The following MYRIP variants were observed in gnomAD, a reference collection of about 807,000 sequenced individuals.
MYRIP encodes the protein rab effector MyRIP.
A neutral mutation model predicts 98.0 loss-of-function variants in MYRIP; 49 were observed. The ratio of observed to expected loss-of-function variants is 0.50; its 90% CI spans 0.40 to 0.63. The LOEUF is 0.63. Among genes scored for constraint, MYRIP ranks in the 30% least tolerant of loss-of-function variants. The pLI is 0.00. For missense variants in MYRIP, 1,004 were observed against 1,058.2 expected, an observed-to-expected ratio of 0.95 and a Z score of 0.71; for synonymous variants, 404 against 409.5, an observed-to-expected ratio of 0.99 and a Z score of 0.16.
chr3:40,093,989 TA>T (rs1948776924), intron 3 of MYRIP, among the ~76,000 whole-genome samples: 1 of 152,166 alleles, frequency 6.6e-6, no homozygotes, highest in African/African-American at 2.4e-5. Flanking sequence ...ACTTTCCTGT[TA>T]CCTCCTACCA....
chr3:39,952,830 G>T (rs1308420282), intron 2 of MYRIP, among the ~76,000 whole-genome samples: 1 of 152,106 alleles, frequency 6.6e-6, no homozygotes, highest in African/African-American at 2.4e-5. Flanking sequence ...AGTAGGAATA[G>T]CTAGGGACTT....
At chr3:39,985,756 T>G (rs1356843102) in intron 2 of MYRIP, among the ~76,000 whole-genome samples, 1 of 151,824 alleles carries the variant, frequency 6.6e-6, no homozygotes, top group East Asian at 1.9e-4. Context: ...GCTAGCCATA[T>G]GTAGAAAGCT....
intron 2 of MYRIP, among the ~76,000 whole-genome samples, chr3:40,003,186 T>C (rs1026593949): frequency 1.3e-5 from 2 of 152,078 alleles, no homozygotes; most frequent in Admixed American, 6.6e-5. Flanking sequence ...TAAATACATA[T>C]ATAGATATCT....
Position 40,143,468 on chromosome 3 carries a change from C to T in MYRIP, c.333-7580C>T, listed in dbSNP as rs141951639. Among the ~76,000 whole-genome samples, 275 of 152,176 alleles carry T rather than the reference C, an allele frequency of 1.8e-3. 1 individual carries two copies. Among genetic ancestry groups the T allele is most frequent in the African/African-American group, 6.4e-3 (267 of 41,508 alleles). ...GAACCACATGCATCCTGTGAGTTTC[C>T]CCTGAGTCATAAGTTTAAATAAACG... is the stretch of plus-strand genomic sequence containing the variant. On this transcript the variant is annotated intron_variant, in intron 3 of 16. Transcript: ENST00000302541.
At chr3:40,076,337 C>G (rs1387814417) in intron 3 of MYRIP, among the ~76,000 whole-genome samples, 9 of 152,192 alleles carry the variant, frequency 5.9e-5, no homozygotes, top group Admixed American at 5.9e-4. Context: ...TACAGTCACT[C>G]AAGGCCCCAC....
intron 2 of MYRIP, among the ~76,000 whole-genome samples, chr3:40,039,264 C>T (rs796552308): frequency 1.3e-5 from 2 of 152,018 alleles, no homozygotes; most frequent in South Asian, 4.1e-4. Context: ...ACAATCTATT[C>T]AATAAAAGGT....
At chr3:40,030,914 G>A (rs1947246513) in intron 2 of MYRIP, among the ~76,000 whole-genome samples, 1 of 152,024 alleles carries the variant, frequency 6.6e-6, no homozygotes, top group African/African-American at 2.4e-5. Context: ...ACAACTTTTT[G>A]AATATACTAA....
At chr3:40,000,656 A>G (rs1946498556) in intron 2 of MYRIP, among the ~76,000 whole-genome samples, 1 of 152,048 alleles carries the variant, frequency 6.6e-6, no homozygotes, top group Non-Finnish European at 1.5e-5. Flanking sequence ...TTTCGTCCTT[A>G]ATTTTTTGTG....
chr3:40,210,189 A>C, intron 11 of MYRIP, 96 bp downstream of exon 11: 1 of 1,442,114 alleles, frequency 6.9e-7, no homozygotes, highest in East Asian at 2.4e-5. Flanking sequence ...CTGGGTCCCC[A>C]AAGAGCTCTC....
intron 4 of MYRIP, among the ~76,000 whole-genome samples, chr3:40,152,551 G>A (rs1950143786): frequency 6.6e-6 from 1 of 152,154 alleles, no homozygotes; most frequent in East Asian, 1.9e-4. Context: ...AATTTACAAG[G>A]ATCACTTTCA....
intron 2 of MYRIP, among the ~76,000 whole-genome samples, chr3:39,973,519 C>T (rs2125747970): frequency 6.6e-6 from 1 of 152,216 alleles, no homozygotes; most frequent in South Asian, 2.1e-4. Context: ...CAAAGATATC[C>T]AGGAACTGAA....
intron 2 of MYRIP, among the ~76,000 whole-genome samples, chr3:40,019,487 C>T (rs1050945196): frequency 2.0e-5 from 3 of 152,228 alleles, no homozygotes; most frequent in African/African-American, 7.2e-5. Context: ...TTGCCCACCT[C>T]TGCTGCCTCC....
At chr3:40,181,790 T>TG (rs1437383359) in intron 8 of MYRIP, among the ~76,000 whole-genome samples, 2 of 152,342 alleles carry the variant, frequency 1.3e-5, no homozygotes, top group East Asian at 3.9e-4. Flanking sequence ...AGGAGCTACA[T>TG]GGGAATATGT....
At chr3:40,248,518 T>G (rs1334396624) in intron 13 of MYRIP, 2 of 152,174 alleles carry the variant, frequency 1.3e-5, no homozygotes. Flanking sequence ...ACAGGCAAAA[T>G]CAGCCCTCAG....
chr3:39,987,316 G>A (rs1394635670), intron 2 of MYRIP, among the ~76,000 whole-genome samples: 1 of 152,158 alleles, frequency 6.6e-6, no homozygotes, highest in Non-Finnish European at 1.5e-5. Flanking sequence ...CTTCATCCAT[G>A]TCCCTGCAAA....
chr3:40,217,342 AATT>A (rs1559459558), intron 11 of MYRIP, among the ~76,000 whole-genome samples: 3 of 152,192 alleles, frequency 2.0e-5, no homozygotes, highest in African/African-American at 4.8e-5. Flanking sequence ...CATATTGGCA[AATT>A]GTTTCTAACT....
intron 2 of MYRIP, among the ~76,000 whole-genome samples, chr3:39,960,266 C>G (rs987847840): frequency 6.6e-6 from 1 of 152,060 alleles, no homozygotes; most frequent in Non-Finnish European, 1.5e-5. Context: ...CAGTCCCTCT[C>G]CCCCCATTCT....
chr3:40,043,483 A>G, intron 2 of MYRIP, among the ~76,000 whole-genome samples: 1 of 152,088 alleles, frequency 6.6e-6, no homozygotes, highest in East Asian at 1.9e-4. Context: ...AGCTTTTTAA[A>G]AGAACAGAAT....
chr3:40,207,910 T>C (rs1951827497), intron 10 of MYRIP, among the ~76,000 whole-genome samples: 1 of 152,188 alleles, frequency 6.6e-6, no homozygotes, highest in South Asian at 2.1e-4. Context: ...TTTGAATTCA[T>C]CTTTTGAGTC....
Sources: gnomAD v4.1 joint callset for allele counts (sites outside exome capture counted in the v4.1 genomes callset) on GRCh38, gnomAD v4.1.1 for gene constraint, MANE v1.5 for transcripts, NCBI Gene and HGNC (gene_info 2026-07-23, HGNC 2026-07-21) for gene names.